COL6A3: variants seen among roughly 807,000 people sequenced by gnomAD.
COL6A3 encodes the protein collagen type VI alpha 3 chain.
Under a neutral mutation model 274.1 loss-of-function variants are expected in COL6A3, and 137 were observed. That is an observed-to-expected ratio of 0.50 (90% CI 0.44 to 0.58). The LOEUF is 0.58. Among genes scored for constraint, COL6A3 ranks in the 20% least tolerant of loss-of-function variants. The pLI is 0.00. For synonymous variants in COL6A3, 1,650 were observed against 1,650.6 expected (o/e 1.00, Z 0.01); for missense variants, 3,950 against 4,124.9 (o/e 0.96, Z 1.16).
At chr2:237,352,623 G>A in intron 25 of COL6A3, 39 bp from the exon 26 acceptor site, 2 of 1,577,196 alleles carry the variant, frequency 1.3e-6, no homozygotes, top group Non-Finnish European at 8.7e-7. Context: ...CTAATGAGGT[G>A]ACTTTCCATG....
Position 237,324,754 on chromosome 2 carries a change from A to G in COL6A3, c.*20T>C, listed in dbSNP as rs778508222. The G allele has an allele frequency of 2.0e-5, 32 of 1,613,002 alleles. No individual in the cohort carries two copies. Among genetic ancestry groups the G allele is most frequent in the Non-Finnish European group, 2.5e-5 (30 of 1,179,456 alleles). The stretch of plus-strand genomic sequence containing the variant: ...TGACTCCTTCTTCTTCAAGAGGTAT[A>G]TGATGTTGGCCACCCACGCTTAGGT... On this transcript the variant is annotated 3_prime_UTR_variant, in exon 44 of 44. Coordinates refer to ENST00000295550, the MANE Select transcript of COL6A3 (RefSeq NM_004369.4).
chr2:237,344,841 G>C lies in COL6A3; in HGVS notation c.7177C>G (p.Pro2393Ala). 6.2e-7 allele frequency: 1 copy of C among 1,613,334 alleles called. No homozygotes were observed. Residue 2393 changes from proline (P) to alanine (A), a missense_variant and splice_region_variant, in exon 36 of 44, where the codon CCC becomes GCC. This residue lies in a region of COL6A3 where 1,284 missense variants were observed against 1,349.7 expected (regional missense o/e 0.95). Transcript: ENST00000295550. This position sits in a 1 kb window ranked among gnomAD's most constrained non-coding sequence, Gnocchi z 4.8. ...GTTGGGAAGACGGGGCACTCCAGGG[G>C]CCCTGTGGAAAGTAGAGGGTGGAGG... ...IKDKCPCCYG[P>A]LECPVFPTEL...
In COL6A3 at chr2:237,380,964, C is replaced by T. The variant is rs2077987343; in HGVS notation, c.1848G>A (p.Met616Ile). ...AEFRAAPLQG[M>I]LPGLLAPLRT... is the part of the protein sequence containing the mutation. ...TGAGAGGTGCCAGCAAGCCAGGCAG[C>T]ATGCCTTGCAATGGGGCGGCTCGGA... Residue 616 changes from methionine (M) to isoleucine (I), a missense_variant, in exon 5 of 44, where the codon ATG becomes ATA. By Grantham distance (10) the Met-to-Ile change is conservative (BLOSUM62 1). Transcript: ENST00000295550. 6.2e-7 allele frequency: 1 copy of T among 1,614,204 alleles called. No individual in the cohort carries two copies. Among genetic ancestry groups the T allele is most frequent in the Non-Finnish European group, 8.5e-7 (1 of 1,180,052 alleles).
chr2:237,412,281 G>A (rs373541365), intron 1 of COL6A3, among the ~76,000 whole-genome samples: 2 of 152,202 alleles, frequency 1.3e-5, no homozygotes, highest in Non-Finnish European at 1.5e-5. Context: ...GGCCAGCCCC[G>A]GTATTCCGGT....
chr2:237,371,842 C>T lies in COL6A3; in HGVS notation c.4175G>A (p.Ser1392Asn), dbSNP rs1174544680. The change falls in exon 9 of 44, where the codon AGC (serine) becomes AAC (asparagine). Residue 1392 changes from serine to asparagine, a missense_variant. Ser to Asn is a conservative substitution (Grantham distance 46). Transcript: ENST00000295550. The surrounding 1 kb of genome is among the most constrained non-coding windows in gnomAD (Gnocchi z 4.3). Reference sequence around the variant, plus strand: ...CAGGCTGGGCAGCTCCCGGAAGGTGCTCACCGAGAACACATATTCGGGGCT... The same window carrying T: ...CAGGCTGGGCAGCTCCCGGAAGGTGTTCACCGAGAACACATATTCGGGGCT... ...SLSPEYVFSV[S>N]TFRELPSLEQ... 1 of 1,613,450 alleles carries T rather than the reference C, an allele frequency of 6.2e-7. No individual in the cohort carries two copies. Among genetic ancestry groups the T allele is most frequent in the Non-Finnish European group, 8.5e-7 (1 of 1,180,004 alleles).
In COL6A3 at chr2:237,407,972, C is replaced by T. The variant is rs2078761596; in HGVS notation, c.-31+5981G>A. 6.6e-6 allele frequency among the ~76,000 whole-genome samples: 1 copy of T among 152,222 alleles called. No homozygotes were observed. Among genetic ancestry groups the T allele is most frequent in the South Asian group, 2.1e-4 (1 of 4,832 alleles). On this transcript the variant is annotated intron_variant, in intron 1 of 43. Transcript: ENST00000295550. The surrounding 1 kb of genome is among the most constrained non-coding windows in gnomAD (Gnocchi z 4.3). ...CCAAATTGGAGCTTGGCACTTATTC[C>T]TGTCTTTTCCTTCTTGGCAATGAAC...
At chr2:237,396,236 C>G (rs551234236) in intron 2 of COL6A3, among the ~76,000 whole-genome samples, 1 of 152,170 alleles carries the variant, frequency 6.6e-6, no homozygotes, top group Admixed American at 6.5e-5. Context: ...GCTTTTAATT[C>G]GTTTTGGGAA....
chr2:237,358,539 A>T lies in COL6A3; in HGVS notation c.6453T>A (p.Val2151=), dbSNP rs1432743406. Residue 2151 remains valine, a synonymous_variant, in exon 21 of 44, where the codon GTT becomes GTA. Coordinates refer to ENST00000295550, the MANE Select transcript of COL6A3 (RefSeq NM_004369.4). ...PRGEKGERGD[V]GIRGDPGNPG... Reference sequence around the variant, plus strand: ...TCTTTACCGGGTCCCCTCGAATCCCAACATCTCCTCTTTCTCCTTTCTCTC... The same window carrying T: ...TCTTTACCGGGTCCCCTCGAATCCCTACATCTCCTCTTTCTCCTTTCTCTC... 1 of 1,614,106 alleles carries T rather than the reference A, an allele frequency of 6.2e-7. No homozygotes were observed. Among genetic ancestry groups the T allele is most frequent in the Non-Finnish European group, 8.5e-7 (1 of 1,179,942 alleles).
At chr2:237,398,194 C>T (rs2078499334) in intron 1 of COL6A3, among the ~76,000 whole-genome samples, 1 of 152,250 alleles carries the variant, frequency 6.6e-6, no homozygotes, top group South Asian at 2.1e-4. Flanking sequence ...ATATGCCAAC[C>T]TCCAATCTCA....
At chr2:237,398,461 T>C (rs766281204) in intron 1 of COL6A3, among the ~76,000 whole-genome samples, 23 of 152,282 alleles carry the variant, frequency 1.5e-4, no homozygotes, top group South Asian at 1.2e-3. Context: ...AGAGATCAGC[T>C]TGGGGGCTGG....
At chr2:237,353,163 G>A (rs940914643) in intron 25 of COL6A3, among the ~76,000 whole-genome samples, 178 bp downstream of exon 25, 23 of 152,186 alleles carry the variant, frequency 1.5e-4, no homozygotes, top group African/African-American at 4.3e-4. Flanking sequence ...GGTCTCCTTC[G>A]AGACTGTGTT....
intron 38 of COL6A3, 47 bp downstream of exon 38, chr2:237,340,405 G>A (rs377635244): frequency 4.0e-5 from 62 of 1,560,784 alleles, no homozygotes; most frequent in African/African-American, 3.9e-4. Context: ...CTCCTGGCCC[G>A]AGCATAAAGC....
At chr2:237,396,567 G>T (rs2078445919) in intron 2 of COL6A3, among the ~76,000 whole-genome samples, 160 bp downstream of exon 2, 1 of 152,184 alleles carries the variant, frequency 6.6e-6, no homozygotes, top group Non-Finnish European at 1.5e-5. Context: ...ATCTGAAAAG[G>T]CCTATAAATC....
At chr2:237,334,481 T>C (rs923846573) in intron 41 of COL6A3, 145 bp downstream of exon 41, 25 of 880,402 alleles carry the variant, frequency 2.8e-5, no homozygotes, top group Non-Finnish European at 4.5e-5. Flanking sequence ...GCACCCAGGC[T>C]GAGTTGTTTT....
chr2:237,399,785 C>A (rs2078543266), intron 1 of COL6A3, among the ~76,000 whole-genome samples: 1 of 152,252 alleles, frequency 6.6e-6, no homozygotes, highest in Non-Finnish European at 1.5e-5. Context: ...CAGGCCTCCA[C>A]TGAGCCCAGA....
chr2:237,375,041 T>C (rs868134886), intron 7 of COL6A3, 21 bp from the exon 8 acceptor site: 4 of 1,612,620 alleles, frequency 2.5e-6, no homozygotes, highest in Middle Eastern at 3.3e-4. Flanking sequence ...GACAGCCTGG[T>C]AACTCACACA....
In COL6A3 at chr2:237,376,884, G is replaced by A. The variant is rs145203676; in HGVS notation, c.2958C>T (p.Ile986=). 17 of 1,614,064 alleles carry A rather than the reference G, an allele frequency of 1.1e-5. No individual in the cohort carries two copies. The highest frequency in any genetic ancestry group is 1.6e-4 in the Middle Eastern group (1 of 6,084). The part of the protein sequence containing the change: ...KNADPAELEQ[I]VLSPAFILAA... ...CCAGGATAAACGCTGGAGACAGCAC[G>A]ATCTGCTCTAACTCAGCAGGGTCTG... Residue 986 remains isoleucine, a synonymous_variant, in exon 7 of 44, where the codon ATC becomes ATT. Transcript: ENST00000295550.
rs1439228627 is a variant in COL6A3 at position 237,407,743 on chromosome 2, G to A, written c.-31+6210C>T. On this transcript the variant is annotated intron_variant, in intron 1 of 43. Coordinates refer to ENST00000295550, the MANE Select transcript of COL6A3 (RefSeq NM_004369.4). The surrounding 1 kb of genome is among the most constrained non-coding windows in gnomAD (Gnocchi z 4.3). The stretch of plus-strand genomic sequence containing the variant: ...GATTTGAAAAGCTAGACGCCACCAT[G>A]CAAATGTAAAACACATTCCACATTC... Among the ~76,000 whole-genome samples the A allele has an allele frequency of 6.6e-6, 1 of 152,224 alleles. No homozygotes were observed. Among genetic ancestry groups the A allele is most frequent in the Non-Finnish European group, 1.5e-5 (1 of 68,050 alleles).
intron 39 of COL6A3, among the ~76,000 whole-genome samples, chr2:237,337,564 C>T (rs113364925): frequency 1.3e-5 from 2 of 152,180 alleles, no homozygotes; most frequent in African/African-American, 4.8e-5. Context: ...GTCAGCTAGT[C>T]GTAAGCCAGA....
Sources: gnomAD v4.1 joint callset for allele counts (sites outside exome capture counted in the v4.1 genomes callset) on GRCh38, gnomAD v4.1.1 for gene constraint, gnomAD v4.1.1 regional missense constraint, Gnocchi (gnomAD v3.1) non-coding constraint, MANE v1.5 for transcripts, NCBI Gene and HGNC (gene_info 2026-07-23, HGNC 2026-07-21) for gene names.